RIN2: variants seen among roughly 807,000 people sequenced by gnomAD.
The protein encoded by RIN2 is Ras and Rab interactor 2.
In RIN2, 36 loss-of-function variants were observed where a neutral mutation model predicts 78.0. The observed-to-expected ratio is 0.46, with a 90% CI of 0.35 to 0.61. The LOEUF is 0.61. Ranked by LOEUF, RIN2 falls within the 20% of genes least tolerant of loss-of-function variation. The pLI, the probability that RIN2 is intolerant of heterozygous loss-of-function variation, is 0.00. For missense variants in RIN2, 1,087 were observed against 1,159.7 expected (o/e 0.94, Z 0.91); for synonymous variants, 466 against 466.8 (o/e 1.00, Z 0.02).
intron 1 of RIN2, among the ~76,000 whole-genome samples, chr20:19,782,359 G>C (rs1164570115): frequency 4.1e-4 from 62 of 152,140 alleles, no homozygotes; most frequent in Admixed American, 4.1e-3. Flanking sequence ...GAGGCCAGGA[G>C]TTTGAGATTA....
chr20:19,872,473 C>T (rs1044973503), intron 2 of RIN2, among the ~76,000 whole-genome samples: 1 of 152,200 alleles, frequency 6.6e-6, no homozygotes, highest in African/African-American at 2.4e-5. Flanking sequence ...ACCTCGCTCA[C>T]TTCCTCCTAC....
intron 2 of RIN2, among the ~76,000 whole-genome samples, chr20:19,846,222 G>A (rs1271471209): frequency 6.6e-6 from 1 of 152,080 alleles, no homozygotes; most frequent in African/African-American, 2.4e-5. Flanking sequence ...CTCTTTTTTG[G>A]TTCCATATGA....
At chr20:19,861,637 A>C (rs2037342429) in intron 2 of RIN2, among the ~76,000 whole-genome samples, 1 of 150,364 alleles carries the variant, frequency 6.7e-6, no homozygotes, top group Non-Finnish European at 1.5e-5. Flanking sequence ...ATATCTAATG[A>C]TCACCCTCCA....
At chr20:19,991,435 T>C (rs1450551917) in intron 10 of RIN2, among the ~76,000 whole-genome samples, 3 of 152,172 alleles carry the variant, frequency 2.0e-5, no homozygotes, top group African/African-American at 7.2e-5. Context: ...GGATAATTCT[T>C]CTTTTGGGGG....
intron 11 of RIN2, among the ~76,000 whole-genome samples, chr20:19,995,276 A>C (rs1601086884): frequency 6.6e-6 from 1 of 151,512 alleles, no homozygotes; most frequent in Non-Finnish European, 1.5e-5. Context: ...AAAAAAAAAA[A>C]AACAAAACAC....
intron 9 of RIN2, among the ~76,000 whole-genome samples, chr20:19,983,889 G>T (rs80212405): frequency 6.5e-5 from 4 of 61,972 alleles, no homozygotes; most frequent in African/African-American, 3.7e-4. Flanking sequence ...TACATTTTTT[G>T]TTTATTATTA....
intron 4 of RIN2, among the ~76,000 whole-genome samples, chr20:19,937,768 G>A (rs1030719192): frequency 7.2e-5 from 11 of 152,178 alleles, no homozygotes; most frequent in Non-Finnish European, 1.6e-4. Context: ...CCATGGCATA[G>A]GTGCTTCTGT....
At chr20:19,917,776 G>C (rs955559786) in intron 3 of RIN2, among the ~76,000 whole-genome samples, 1 of 151,982 alleles carries the variant, frequency 6.6e-6, no homozygotes, top group Non-Finnish European at 1.5e-5. Context: ...TTTAAAGGCG[G>C]AATCGCCTTT....
intron 2 of RIN2, among the ~76,000 whole-genome samples, chr20:19,870,178 T>C (rs960464125): frequency 6.6e-5 from 10 of 152,206 alleles, no homozygotes; most frequent in African/African-American, 2.4e-4. Flanking sequence ...CACAGTTCGA[T>C]GACCCAAGAA....
At chr20:19,800,849 G>T (rs2035219731) in intron 2 of RIN2, among the ~76,000 whole-genome samples, 1 of 152,218 alleles carries the variant, frequency 6.6e-6, no homozygotes, top group African/African-American at 2.4e-5. Flanking sequence ...TTACAAGTAA[G>T]AAAACAGAAG....
At chr20:19,841,190 C>T (rs2036565305) in intron 2 of RIN2, among the ~76,000 whole-genome samples, 1 of 152,010 alleles carries the variant, frequency 6.6e-6, no homozygotes, top group Non-Finnish European at 1.5e-5. Context: ...TCAAGTGTTC[C>T]TTCCACCCCA....
At chr20:19,931,939 A>G (rs965345778) in intron 3 of RIN2, among the ~76,000 whole-genome samples, 1 of 152,228 alleles carries the variant, frequency 6.6e-6, no homozygotes, top group Non-Finnish European at 1.5e-5. Flanking sequence ...TTTAGTCTCT[A>G]AAGTACACAT....
chr20:19,928,383 A>T (rs934477804), intron 3 of RIN2, among the ~76,000 whole-genome samples: 1 of 152,216 alleles, frequency 6.6e-6, no homozygotes, highest in Admixed American at 6.5e-5. Context: ...AAAAGCTGGT[A>T]TGCCTACCCC....
intron 3 of RIN2, among the ~76,000 whole-genome samples, chr20:19,915,522 A>G (rs765264448): frequency 6.6e-5 from 10 of 152,314 alleles, no homozygotes; most frequent in Non-Finnish European, 1.3e-4. Flanking sequence ...GGTTGTGGGC[A>G]GAGCACTCAC....
intron 6 of RIN2, 45 bp downstream of exon 6, chr20:19,960,856 G>T: frequency 1.7e-6 from 2 of 1,191,204 alleles, no homozygotes; most frequent in Non-Finnish European, 2.4e-6. Context: ...CAGGGCCACG[G>T]GGCTCTGCAG....
intron 2 of RIN2, among the ~76,000 whole-genome samples, chr20:19,864,654 G>A (rs1380540677): frequency 6.6e-6 from 1 of 152,180 alleles, no homozygotes; most frequent in Non-Finnish European, 1.5e-5. Flanking sequence ...TATTAGGAAG[G>A]CATCAGCAGG....
chr20:19,802,725 TGA>T (rs2035284711), intron 2 of RIN2, among the ~76,000 whole-genome samples: 1 of 152,182 alleles, frequency 6.6e-6, no homozygotes, highest in African/African-American at 2.4e-5. Flanking sequence ...CCACCTTGAC[TGA>T]GTCCTGAAGG....
At chr20:19,936,706 G>T (rs199540) in intron 4 of RIN2, among the ~76,000 whole-genome samples, 1 of 152,296 alleles carries the variant, frequency 6.6e-6, no homozygotes, top group African/African-American at 2.4e-5. Context: ...TGAGAGCTGG[G>T]TGGTTGCTTA....
intron 1 of RIN2, among the ~76,000 whole-genome samples, chr20:19,797,329 T>C (rs2122680309): frequency 6.6e-6 from 1 of 152,346 alleles, no homozygotes; most frequent in Middle Eastern, 3.4e-3. Flanking sequence ...CAGGAAAACA[T>C]TATCCCTTGC....
Sources: gnomAD v4.1 joint callset for allele counts (sites outside exome capture counted in the v4.1 genomes callset) on GRCh38, gnomAD v4.1.1 for gene constraint, MANE v1.5 for transcripts, NCBI Gene and HGNC (gene_info 2026-07-23, HGNC 2026-07-21) for gene names.